SCRG1: variants seen among roughly 807,000 people sequenced by gnomAD.
The protein encoded by SCRG1 is scrapie-responsive protein 1.
Under a neutral mutation model 7.7 loss-of-function variants are expected in SCRG1, and 3 were observed. That is an observed-to-expected ratio of 0.39 (90% CI 0.18 to 1.01). The LOEUF is 1.01. Ranked by LOEUF, SCRG1 falls within the 50% of genes least tolerant of loss-of-function variation. The pLI, the probability that SCRG1 is intolerant of heterozygous loss-of-function variation, is 0.36. For synonymous variants in SCRG1, 46 were observed against 41.2 expected (o/e 1.12, Z -0.44); for missense variants, 110 against 117.2 (o/e 0.94, Z 0.28).
the SCRG1 span, among the ~76,000 whole-genome samples, chr4:173,442,275 G>T: frequency 9.1e-3 from 1,383 of 152,244 alleles, 13 homozygotes; most frequent in African/African-American, 0.03. Flanking sequence ...TATATTTTAG[G>T]TTTAGAGTGA....
the SCRG1 span, among the ~76,000 whole-genome samples, chr4:173,451,089 G>A: frequency 6.6e-6 from 1 of 152,084 alleles, no homozygotes; most frequent in East Asian, 1.9e-4. Flanking sequence ...TCCAAGGAAT[G>A]TCTCTGAATC....
At chr4:173,406,239 A>G (rs1739902361) in intron 1 of SCRG1, 1 of 152,224 alleles carries the variant, frequency 6.6e-6, no homozygotes, top group Non-Finnish European at 1.5e-5. Flanking sequence ...GTATAGCAGC[A>G]TCGGAATTGT....
At chr4:173,422,830 A>G in the SCRG1 span, among the ~76,000 whole-genome samples, 1 of 152,202 alleles carries the variant, frequency 6.6e-6, no homozygotes, top group African/African-American at 2.4e-5. Flanking sequence ...TTATATTTTA[A>G]TTGCTATAAT....
the SCRG1 span, chr4:173,419,287 C>A: frequency 1.6e-6 from 1 of 619,300 alleles, no homozygotes. Context: ...GGGAGCTTGC[C>A]TTCTCTTGAG....
At chr4:173,486,683 T>C in the SCRG1 span, among the ~76,000 whole-genome samples, 1 of 152,160 alleles carries the variant, frequency 6.6e-6, no homozygotes, top group African/African-American at 2.4e-5. Context: ...CGTTGGACCA[T>C]TTACAATAGT....
chr4:173,501,625 A>G, the SCRG1 span, among the ~76,000 whole-genome samples: 2 of 152,016 alleles, frequency 1.3e-5, no homozygotes, highest in African/African-American at 4.8e-5. The surrounding 1 kb of genome is among the most constrained non-coding windows in gnomAD (Gnocchi z 5.1). Flanking sequence ...CCCTGACCCT[A>G]GAGGGTCAGG....
At chr4:173,480,000 C>T in the SCRG1 span, among the ~76,000 whole-genome samples, 23 of 151,792 alleles carry the variant, frequency 1.5e-4, no homozygotes, top group African/African-American at 5.6e-4. Context: ...GAGAGCCTCT[C>T]GGTCTGTCAC....
At chr4:173,441,713 A>T in the SCRG1 span, among the ~76,000 whole-genome samples, 1 of 152,170 alleles carries the variant, frequency 6.6e-6, no homozygotes, top group African/African-American at 2.4e-5. Flanking sequence ...TTGTCCTCAA[A>T]AAGTCTGTAG....
At chr4:173,484,700 GCATATAATACATATTATA>G in the SCRG1 span, among the ~76,000 whole-genome samples, 1 of 82,022 alleles carries the variant, frequency 1.2e-5, no homozygotes, top group East Asian at 3.6e-4. Flanking sequence ...TATATTATAT[GCATATAATACATATTATA>G]TATTATATGC....
chr4:173,421,240 C>A, the SCRG1 span, among the ~76,000 whole-genome samples: 3 of 152,242 alleles, frequency 2.0e-5, no homozygotes, highest in East Asian at 5.8e-4. Flanking sequence ...TGATTGCCCC[C>A]CACACATCAG....
the SCRG1 span, among the ~76,000 whole-genome samples, chr4:173,458,203 T>C: frequency 2.0e-5 from 3 of 152,076 alleles, no homozygotes; most frequent in Non-Finnish European, 4.4e-5. Context: ...ACAGGGTGAG[T>C]CTAGCCATCC....
At chr4:173,398,452 G>C (rs1425440907) in intron 1 of SCRG1, 2 of 152,088 alleles carry the variant, frequency 1.3e-5, no homozygotes, top group African/African-American at 4.8e-5. Context: ...ATTAAGTTAA[G>C]GAATTTTAAA....
At chr4:173,428,136 A>T in the SCRG1 span, among the ~76,000 whole-genome samples, 2 of 152,154 alleles carry the variant, frequency 1.3e-5, no homozygotes, top group Non-Finnish European at 2.9e-5. Flanking sequence ...ATGTGATAGA[A>T]TGTGTCCGGA....
the SCRG1 span, among the ~76,000 whole-genome samples, chr4:173,442,860 G>A: frequency 6.6e-6 from 1 of 152,174 alleles, no homozygotes; most frequent in African/African-American, 2.4e-5. Context: ...CATGAGGTCA[G>A]GGTCCTCACA....
At chr4:173,436,117 T>G in the SCRG1 span, among the ~76,000 whole-genome samples, 1 of 152,224 alleles carries the variant, frequency 6.6e-6, no homozygotes, top group South Asian at 2.1e-4. Context: ...CGTTTTCTAA[T>G]TGATTCAGTC....
the SCRG1 span, among the ~76,000 whole-genome samples, chr4:173,452,994 A>T: frequency 1.3e-5 from 2 of 152,242 alleles, no homozygotes. Flanking sequence ...GGATGCTGGC[A>T]GAAGACACAG....
At chr4:173,464,801 C>T in the SCRG1 span, among the ~76,000 whole-genome samples, 37 of 152,232 alleles carry the variant, frequency 2.4e-4, no homozygotes, top group East Asian at 6.9e-3. Flanking sequence ...CCATGTTCAT[C>T]GCAGCATCAT....
the SCRG1 span, among the ~76,000 whole-genome samples, chr4:173,480,880 T>A: frequency 6.6e-6 from 1 of 152,068 alleles, no homozygotes; most frequent in Non-Finnish European, 1.5e-5. Flanking sequence ...ATTAATTAAA[T>A]GTATTGGGTT....
chr4:173,496,179 G>A, the SCRG1 span, among the ~76,000 whole-genome samples: 5 of 152,160 alleles, frequency 3.3e-5, no homozygotes, highest in Admixed American at 6.5e-5. Context: ...TTTAAGTAGG[G>A]AAACAACATG....
Sources: allele counts gnomAD v4.1 joint callset (sites outside exome capture counted in the v4.1 genomes callset), GRCh38; gene constraint gnomAD v4.1.1; non-coding constraint Gnocchi (gnomAD v3.1); transcripts MANE v1.5; gene names NCBI Gene and HGNC (gene_info 2026-07-23, HGNC 2026-07-21).